HENMT1: variants seen among roughly 807,000 people sequenced by gnomAD.
HENMT1 encodes the protein HEN methyltransferase 1.
In HENMT1, 27 loss-of-function variants were observed where a neutral mutation model predicts 31.1. The ratio of observed to expected loss-of-function variants is 0.87; its 90% CI spans 0.64 to 1.20. HENMT1 has a LOEUF of 1.20. Among genes scored for constraint, HENMT1 ranks in the 50% most tolerant of loss-of-function variants. The pLI is 0.00. For missense variants in HENMT1, 438 were observed against 469.6 expected (o/e 0.93, Z 0.62); for synonymous variants, 167 against 172.2 (o/e 0.97, Z 0.24).
At chr1:108,654,647 C>T (rs1474115924) in intron 5 of HENMT1, 69 bp downstream of exon 5, 3 of 1,497,144 alleles carry the variant, frequency 2.0e-6, no homozygotes, top group Admixed American at 3.5e-5. Flanking sequence ...ATTTAGGACA[C>T]TAAGATCACT....
At chr1:108,656,253 T>C (rs958628108) in intron 3 of HENMT1, among the ~76,000 whole-genome samples, 5 of 152,140 alleles carry the variant, frequency 3.3e-5, no homozygotes, top group Non-Finnish European at 7.3e-5. Flanking sequence ...TACCTACGCC[T>C]TTGTGTCCAA....
In HENMT1 at chr1:108,652,908, C is replaced by T. The variant is rs564359280; in HGVS notation, c.399-1699G>A. Among the ~76,000 whole-genome samples the T allele has an allele frequency of 2.6e-5, 4 of 151,624 alleles. No individual in the cohort carries two copies. The East Asian group carries it at 7.9e-4, about 30-fold the overall frequency. On this transcript the variant is annotated intron_variant, in intron 5 of 7. Coordinates refer to ENST00000651461, the MANE Select transcript of HENMT1 (RefSeq NM_001102592.2). ...GCAGTGAGCCGAGATCGCGCCATTGCACTCCAGCCCAGGCAACAGTGTTTC... is the reference window on the plus strand; with the variant it reads ...GCAGTGAGCCGAGATCGCGCCATTGTACTCCAGCCCAGGCAACAGTGTTTC...
chr1:108,658,927 A>G (rs1299836357), intron 2 of HENMT1, among the ~76,000 whole-genome samples: 2 of 152,230 alleles, frequency 1.3e-5, no homozygotes, highest in Non-Finnish European at 2.9e-5. Context: ...CTGATGTAGC[A>G]CTGTCCAATA....
Position 108,648,331 on chromosome 1 carries a change from G to GA in HENMT1, c.*234dup, listed in dbSNP as rs1657934146. Reference sequence around the variant, plus strand: ...CCACATCCAACTTCTTTATTCTTGAGAAAACAAAAAAGTCCAAAATCAAAG... The same window carrying GA: ...CCACATCCAACTTCTTTATTCTTGAGAAAAACAAAAAAGTCCAAAATCAAAG... On this transcript the variant is annotated 3_prime_UTR_variant, in exon 8 of 8. Coordinates refer to ENST00000651461, the MANE Select transcript of HENMT1 (RefSeq NM_001102592.2). 3.9e-6 allele frequency: 2 copies of GA among 517,746 alleles called. No homozygotes were observed. Among genetic ancestry groups the GA allele is most frequent in the East Asian group, 6.4e-5 (2 of 31,164 alleles). The allele number at this position is 517,746 out of a possible 1,614,324, so 32.1% of individuals were successfully genotyped here.
chr1:108,659,959 T>G lies in HENMT1; in HGVS notation c.-75A>C. ...TCTATTTGAGAGAATCAGCACTGAC[T>G]CAGCTGTAATAAATACAAAACCGTT... On this transcript the variant is annotated 5_prime_UTR_variant, in exon 2 of 8. Transcript: ENST00000651461. The G allele has an allele frequency of 6.6e-7, 1 of 1,509,552 alleles. No individual in the cohort carries two copies. The highest frequency in any genetic ancestry group is 8.8e-7 in the Non-Finnish European group (1 of 1,131,036). The allele number at this position is 1,509,552 out of a possible 1,614,324, so 93.5% of individuals were successfully genotyped here. A position where few individuals can be genotyped will look rare whatever the true frequency, so the allele number is the denominator to read the frequency against.
chr1:108,654,818 A>G lies in HENMT1; in HGVS notation c.296T>C (p.Leu99Pro). ...DSLAPFLGDFLKPRDLNLTIT... is the reference protein window; with the variant it reads ...DSLAPFLGDFPKPRDLNLTIT... Reference sequence around the variant, plus strand: ...GGTCAAATTCAGATCCCGAGGTTTCAGAAAATCCCCCAGGAAAGGAGCTAA... The same window carrying G: ...GGTCAAATTCAGATCCCGAGGTTTCGGAAAATCCCCCAGGAAAGGAGCTAA... Residue 99 changes from leucine to proline, a missense_variant, in exon 5 of 8, where the codon CTG becomes CCG. Leu to Pro is a moderately conservative substitution (Grantham distance 98). Coordinates refer to ENST00000651461, the MANE Select transcript of HENMT1 (RefSeq NM_001102592.2). The G allele has an allele frequency of 1.2e-6, 2 of 1,614,140 alleles. No homozygotes were observed. The highest frequency in any genetic ancestry group is 1.1e-5 in the South Asian group (1 of 91,090).
chr1:108,656,671 G>A (rs918964136), intron 3 of HENMT1, among the ~76,000 whole-genome samples: 1 of 152,078 alleles, frequency 6.6e-6, no homozygotes, highest in Non-Finnish European at 1.5e-5. Context: ...TAGACACAGG[G>A]TCTCACTATG....
chr1:108,648,299 C>A lies in HENMT1; in HGVS notation c.*267G>T. 1 of 460,788 alleles carries A rather than the reference C, an allele frequency of 2.2e-6. No individual in the cohort carries two copies. The highest frequency in any genetic ancestry group is 3.9e-6 in the Non-Finnish European group (1 of 258,706). 28.5% of individuals were successfully genotyped at this position (460,788 alleles called of 1,614,324 possible). ...AAAAAATAGGTAAGTTCAAAATTAA[C>A]ATATTACCACATCCAACTTCTTTAT... is the stretch of plus-strand genomic sequence containing the variant. On this transcript the variant is annotated 3_prime_UTR_variant, in exon 8 of 8. Transcript: ENST00000651461.
chr1:108,654,749 A>C lies in HENMT1; in HGVS notation c.365T>G (p.Leu122Trp). ...HGSVVERDSR[L>W]LGFDLITCIE... ...ACACGTTATCAAGTCAAATCCAAGC[A>C]AACGAGAGTCTCTCTCCACAACGGA... Residue 122 changes from leucine (L) to tryptophan (W), a missense_variant, in exon 5 of 8, where the codon TTG (leucine) becomes TGG (tryptophan). Leu to Trp is a moderately conservative substitution (Grantham distance 61). Coordinates refer to ENST00000651461, the MANE Select transcript of HENMT1 (RefSeq NM_001102592.2). 1 of 1,614,166 alleles carries C rather than the reference A, an allele frequency of 6.2e-7. No individual in the cohort carries two copies. The highest frequency in any genetic ancestry group is 1.1e-5 in the South Asian group (1 of 91,088).
In HENMT1 at chr1:108,648,999, G is replaced by GA. The variant is rs774212876; in HGVS notation, c.757-9dup. On this transcript the variant is annotated splice_polypyrimidine_tract_variant and intron_variant, in intron 7 of 7. Coordinates refer to ENST00000651461, the MANE Select transcript of HENMT1 (RefSeq NM_001102592.2). ...GTATGAGGTGGTAAAAACCTGAAGGGAAAAAACAAAACACTTACAAGTGTA... is the reference window on the plus strand; with the variant it reads ...GTATGAGGTGGTAAAAACCTGAAGGGAAAAAAACAAAACACTTACAAGTGTA... 63 of 1,558,556 alleles carry GA rather than the reference G, an allele frequency of 4.0e-5. No individual in the cohort carries two copies. Among genetic ancestry groups the GA allele is most frequent in the Middle Eastern group, 1.7e-4 (1 of 5,798 alleles).
Position 108,661,015 on chromosome 1 carries a change from T to TA in HENMT1, c.-132dup, listed in dbSNP as rs1658450699. On this transcript the variant is annotated 5_prime_UTR_variant, in exon 1 of 8. It removes the in-frame stop codon of an upstream open reading frame in the 5' UTR. Transcript: ENST00000651461. ...GGCCGTCGCTTCCATCATCCTGCGG[T>TA]AAGCAGCATGCCCAACCGAAAAAAC... The TA allele has an allele frequency of 8.1e-6, 8 of 984,864 alleles. No homozygotes were observed. Among genetic ancestry groups the TA allele is most frequent in the Non-Finnish European group, 9.6e-6 (8 of 829,692 alleles). The allele number at this position is 984,864 out of a possible 1,614,324, so 61.0% of individuals were successfully genotyped here. A position where few individuals can be genotyped will look rare whatever the true frequency, so the allele number is the denominator to read the frequency against.
At chr1:108,660,589 T>G (rs1280609923) in intron 1 of HENMT1, among the ~76,000 whole-genome samples, 2 of 152,240 alleles carry the variant, frequency 1.3e-5, no homozygotes, top group Non-Finnish European at 2.9e-5. Context: ...ACAACTAGAC[T>G]TTAATCTGGA....
Position 108,659,897 on chromosome 1 carries a change from T to C in HENMT1, c.-13A>G. ...TATTTTCTTCCATTTTGTTTCGAAG[T>C]TTTGTTGAAACAAAAATGAAGATTT... On this transcript the variant is annotated 5_prime_UTR_variant, in exon 2 of 8. Transcript: ENST00000651461. The C allele has an allele frequency of 1.2e-6, 2 of 1,600,488 alleles. No individual in the cohort carries two copies. Among genetic ancestry groups the C allele is most frequent in the South Asian group, 1.1e-5 (1 of 89,254 alleles).
intron 1 of HENMT1, 26 bp downstream of exon 1, chr1:108,660,925 AAAAAAAAAAAAG>A (rs1658444469): frequency 3.7e-6 from 3 of 811,728 alleles, no homozygotes. Flanking sequence ...CTCCGTCTCA[AAAAAAAAAAAAG>A]AAAAAGAAAA....
In HENMT1 at chr1:108,654,979, C is replaced by T. The variant is rs140466779; in HGVS notation, c.264-129G>A. 3.3e-4 allele frequency: 318 copies of T among 951,350 alleles called. 1 individual carries two copies. In the African/African-American group the frequency reaches 5.0e-3, roughly 15 times the overall value. 58.9% of individuals were successfully genotyped at this position (951,350 alleles called of 1,614,324 possible). ...ATATAAGTCTGACACAGCCTGTTTTCCTTGTCTTGACATATTAAAGACCAG... is the reference window on the plus strand; with the variant it reads ...ATATAAGTCTGACACAGCCTGTTTTTCTTGTCTTGACATATTAAAGACCAG... On this transcript the variant is annotated intron_variant, in intron 4 of 7. Transcript: ENST00000651461.
intron 3 of HENMT1, 111 bp from the exon 4 acceptor site, chr1:108,655,809 G>C (rs1013949201): frequency 6.5e-5 from 28 of 432,558 alleles, no homozygotes; most frequent in African/African-American, 4.5e-4. Context: ...ATAAAATAAT[G>C]AAAGTATTAT....
intron 5 of HENMT1, among the ~76,000 whole-genome samples, chr1:108,654,430 C>A (rs1316470075): frequency 1.3e-5 from 2 of 151,948 alleles, no homozygotes; most frequent in African/African-American, 4.8e-5. Context: ...GAGGGGTGAA[C>A]AGGAGAGGGA....
In HENMT1 at chr1:108,657,984, C is replaced by T. The variant is rs999119945; in HGVS notation, c.22-405G>A. Among the ~76,000 whole-genome samples, 129 of 140,850 alleles carry T rather than the reference C, an allele frequency of 9.2e-4. 1 individual carries two copies. The highest frequency in any genetic ancestry group is 3.7e-3 in the Middle Eastern group (1 of 270). 92.4% of individuals were successfully genotyped at this position (140,850 alleles called of 152,430 possible). On this transcript the variant is annotated intron_variant, in intron 2 of 7. Coordinates refer to ENST00000651461, the MANE Select transcript of HENMT1 (RefSeq NM_001102592.2). ...CTGACTATATATATATACACACACA[C>T]ATATATATACACACACACACACACA...
chr1:108,660,473 G>C (rs1658418191), intron 1 of HENMT1, among the ~76,000 whole-genome samples: 1 of 152,028 alleles, frequency 6.6e-6, no homozygotes, highest in African/African-American at 2.4e-5. Context: ...GAAATTTCGA[G>C]GGGGAAAAAA....
Sources: allele counts gnomAD v4.1 joint callset (sites outside exome capture counted in the v4.1 genomes callset), GRCh38; gene constraint gnomAD v4.1.1; transcripts MANE v1.5; gene names NCBI Gene and HGNC (gene_info 2026-07-23, HGNC 2026-07-21).